Variants in CPEB3 observed in about 807,000 individuals in gnomAD.
CPEB3 encodes the protein cytoplasmic polyadenylation element-binding protein 3.
A neutral mutation model predicts 67.2 loss-of-function variants in CPEB3; 20 were observed. The observed-to-expected ratio is 0.30, with a 90% CI of 0.21 to 0.43. CPEB3 has a LOEUF of 0.43. CPEB3 is among the 20% of genes least tolerant of loss of function. The pLI, the probability that CPEB3 is intolerant of heterozygous loss-of-function variation, is 1.00. For synonymous variants in CPEB3, 376 were observed against 393.1 expected (o/e 0.96, Z 0.51); for missense variants, 746 against 968.6 (o/e 0.77, Z 3.05).
intron 4 of CPEB3, among the ~76,000 whole-genome samples, chr10:92,153,189 G>A (rs937074086): frequency 2.0e-5 from 3 of 152,164 alleles, no homozygotes; most frequent in Admixed American, 1.3e-4. Flanking sequence ...TGAATTAGCA[G>A]GATGGCGTGC....
chr10:92,076,401 G>C (rs952173088), intron 9 of CPEB3: 1 of 152,052 alleles, frequency 6.6e-6, no homozygotes, highest in Non-Finnish European at 1.5e-5. Context: ...AATAATCCAT[G>C]ATTTATTATT....
rs145685206 is a variant in CPEB3, at chr10:92,224,462, C to T, written c.1005+14884G>A. ...GATCTGGTGGCACTTATCTACTTCT[C>T]CAGCCTCATCTCTCTCTTGCCTAAC... On this transcript the variant is annotated intron_variant, in intron 2 of 9. Transcript: ENST00000265997. Among the ~76,000 whole-genome samples, 39 of 152,234 alleles carry T rather than the reference C, an allele frequency of 2.6e-4. No homozygotes were observed. In the East Asian group the frequency reaches 5.0e-3, roughly 20 times the overall value.
At position 92,137,441 on chromosome 10, in the gene CPEB3, A is replaced by G. The variant is rs1846156738; in HGVS notation, c.1453+5588T>C. The G allele has an allele frequency of 1.1e-5, 13 of 1,189,050 alleles. No individual in the cohort carries two copies. The Admixed American group carries it at 2.6e-4, about 24-fold the overall frequency. The allele number at this position is 1,189,050 out of a possible 1,614,324, so 73.7% of individuals were successfully genotyped here. A position where few individuals can be genotyped will look rare whatever the true frequency, so the allele number is the denominator to read the frequency against. ...AGCCATGGATTCAAGGACTCAATCT[A>G]TGACATATTCCAAAAGCTCAACAGC... On this transcript the variant is annotated intron_variant, in intron 6 of 9. Coordinates refer to ENST00000265997, the MANE Select transcript of CPEB3 (RefSeq NM_014912.5).
At chr10:92,257,880 C>G (rs1006724513) in intron 1 of CPEB3, among the ~76,000 whole-genome samples, 3 of 151,632 alleles carry the variant, frequency 2.0e-5, no homozygotes, top group Non-Finnish European at 2.9e-5. Flanking sequence ...CAGGCGCCCA[C>G]CACCATGCCC....
intron 3 of CPEB3, among the ~76,000 whole-genome samples, chr10:92,185,127 G>A (rs1016574837): frequency 2.6e-5 from 4 of 152,170 alleles, no homozygotes; most frequent in African/African-American, 9.7e-5. Flanking sequence ...AATCAAGTGC[G>A]TGACATCTGA....
chr10:92,087,577 G>A (rs1843424825), intron 8 of CPEB3, among the ~76,000 whole-genome samples: 1 of 152,162 alleles, frequency 6.6e-6, no homozygotes, highest in Non-Finnish European at 1.5e-5. Context: ...GGTCACTGGG[G>A]CAGTCCTCCC....
chr10:92,099,929 C>G (rs762545349), intron 7 of CPEB3, among the ~76,000 whole-genome samples: 1 of 151,878 alleles, frequency 6.6e-6, no homozygotes, highest in Non-Finnish European at 1.5e-5. Flanking sequence ...TTTGGAAGGC[C>G]AAGGCTGAAG....
At chr10:92,212,562 C>T (rs918669918) in intron 2 of CPEB3, among the ~76,000 whole-genome samples, 15 of 151,940 alleles carry the variant, frequency 9.9e-5, no homozygotes, top group Non-Finnish European at 1.9e-4. Flanking sequence ...AACAATATAT[C>T]CTCATTGTCC....
intron 2 of CPEB3, among the ~76,000 whole-genome samples, chr10:92,231,254 T>C (rs1032471619): frequency 6.6e-6 from 1 of 152,174 alleles, no homozygotes; most frequent in Non-Finnish European, 1.5e-5. Context: ...TGTTCTTCCA[T>C]GCCTCCTTCT....
chr10:92,169,176 T>C (rs1317800912), intron 4 of CPEB3, among the ~76,000 whole-genome samples: 1 of 150,614 alleles, frequency 6.6e-6, no homozygotes, highest in Non-Finnish European at 1.5e-5. Flanking sequence ...TTTGCTCTTA[T>C]TGCACAGGCT....
At chr10:92,056,915 G>GT (rs1842132968) in intron 9 of CPEB3, among the ~76,000 whole-genome samples, 1 of 152,210 alleles carries the variant, frequency 6.6e-6, no homozygotes, top group East Asian at 1.9e-4. Context: ...CTCAGTCAGA[G>GT]TTGTGAAGTC....
At chr10:92,134,257 T>C (rs1324729131) in intron 6 of CPEB3, among the ~76,000 whole-genome samples, 2 of 152,150 alleles carry the variant, frequency 1.3e-5, no homozygotes, top group Non-Finnish European at 2.9e-5. Context: ...TCATTGTATA[T>C]TTAGAAAACC....
At chr10:92,240,721 G>C (rs1851807741) in intron 1 of CPEB3, among the ~76,000 whole-genome samples, 1 of 152,138 alleles carries the variant, frequency 6.6e-6, no homozygotes, top group Admixed American at 6.6e-5. Context: ...AACTGATTCT[G>C]GTTCCTGTTT....
At chr10:92,272,654 G>C (rs1333946624) in intron 1 of CPEB3, among the ~76,000 whole-genome samples, 1 of 152,122 alleles carries the variant, frequency 6.6e-6, no homozygotes, top group African/African-American at 2.4e-5. Context: ...CTAGGCACTG[G>C]GGATACAGTA....
chr10:92,176,374 T>C (rs912737814), intron 4 of CPEB3, among the ~76,000 whole-genome samples: 1 of 152,182 alleles, frequency 6.6e-6, no homozygotes, highest in Non-Finnish European at 1.5e-5. Context: ...GGTGAAGAAA[T>C]CGAGGCAAAG....
Position 92,052,177 on chromosome 10 carries a change from C to G in CPEB3, c.*35G>C. The G allele has an allele frequency of 4.8e-6, 7 of 1,463,324 alleles. No homozygotes were observed. Among genetic ancestry groups the G allele is most frequent in the Non-Finnish European group, 6.7e-6 (7 of 1,045,434 alleles). The allele number at this position is 1,463,324 out of a possible 1,614,324, so 90.6% of individuals were successfully genotyped here. On this transcript the variant is annotated 3_prime_UTR_variant, in exon 10 of 10. Transcript: ENST00000265997. ...GCCCTCTCTTTTCCCTCCTTGTTAT[C>G]TACTCCAGTACTTGTGGCTGGGTCG...
intron 1 of CPEB3, among the ~76,000 whole-genome samples, chr10:92,289,214 C>T (rs1421042314): frequency 6.6e-6 from 1 of 152,168 alleles, no homozygotes; most frequent in Non-Finnish European, 1.5e-5. Flanking sequence ...TGCACTCCAT[C>T]CTGAGCAACA....
chr10:92,094,601 C>CA (rs762799879), intron 7 of CPEB3, among the ~76,000 whole-genome samples: 2,724 of 126,518 alleles, frequency 0.022, 27 homozygotes, highest in Non-Finnish European at 0.025. Context: ...AACTCCCTTT[C>CA]AAAAAAAAAA....
intron 9 of CPEB3, among the ~76,000 whole-genome samples, chr10:92,072,430 G>A (rs753318581): frequency 4.6e-5 from 7 of 152,090 alleles, no homozygotes; most frequent in Non-Finnish European, 7.4e-5. Context: ...AATAGGCCAG[G>A]CTCAGCAATA....
Sources: gnomAD v4.1 joint callset for allele counts (sites outside exome capture counted in the v4.1 genomes callset) on GRCh38, gnomAD v4.1.1 for gene constraint, MANE v1.5 for transcripts, NCBI Gene and HGNC (gene_info 2026-07-23, HGNC 2026-07-21) for gene names.